Variants in NOX4 observed in about 807,000 individuals in gnomAD.
NOX4 encodes kidney oxidase-1.
In NOX4, 69 loss-of-function variants were observed where a neutral mutation model predicts 87.6. That is an observed-to-expected ratio of 0.79 (90% CI 0.65 to 0.96). NOX4 has a LOEUF of 0.96. Ranked by LOEUF, NOX4 falls within the 40% of genes least tolerant of loss-of-function variation. NOX4 has a pLI of 0.00. For missense variants in NOX4, 680 were observed against 681.5 expected (o/e 1.00, Z 0.02); for synonymous variants, 275 against 238.2 (o/e 1.15, Z -1.42).
intron 11 of NOX4, among the ~76,000 whole-genome samples, chr11:89,380,111 T>A (rs1394415407): frequency 6.6e-6 from 1 of 152,184 alleles, no homozygotes; most frequent in East Asian, 1.9e-4. Context: ...ATGAAGCATA[T>A]GGATGTATCA....
intron 11 of NOX4, among the ~76,000 whole-genome samples, chr11:89,395,085 C>A (rs907234031): frequency 2.0e-5 from 3 of 152,086 alleles, no homozygotes; most frequent in Non-Finnish European, 4.4e-5. Context: ...CACACTGTCT[C>A]CCACAATGGT....
the NOX4 span, among the ~76,000 whole-genome samples, chr11:89,515,151 T>G: frequency 6.6e-6 from 1 of 152,016 alleles, no homozygotes; most frequent in African/African-American, 2.4e-5. Context: ...GCTAAGCCAT[T>G]TGGTTCATAA....
chr11:89,478,548 G>C (rs180709533), intron 2 of NOX4, among the ~76,000 whole-genome samples: 106 of 152,266 alleles, frequency 7.0e-4, no homozygotes, highest in Admixed American at 2.7e-3. Flanking sequence ...CTCAGGAAAA[G>C]GTGATAGCAG....
chr11:89,424,441 T>C (rs1943264179), intron 7 of NOX4, among the ~76,000 whole-genome samples: 1 of 150,378 alleles, frequency 6.6e-6, no homozygotes. Context: ...TGTTGCACTT[T>C]TTCTAATAAT....
intron 13 of NOX4, 110 bp from the exon 14 acceptor site, chr11:89,342,303 A>T (rs1334784605): frequency 1.1e-6 from 1 of 924,020 alleles, no homozygotes; most frequent in Non-Finnish European, 1.6e-6. Context: ...GTGATGGGTC[A>T]GGCCTTATTT....
upstream of NOX4, among the ~76,000 whole-genome samples, chr11:89,500,134 C>T (rs192429690): frequency 7.2e-5 from 11 of 152,200 alleles, no homozygotes; most frequent in Non-Finnish European, 1.6e-4. Context: ...TGTGTAAGAT[C>T]AAATGTTTAA....
intron 11 of NOX4, among the ~76,000 whole-genome samples, chr11:89,389,514 T>C (rs1462225755): frequency 6.6e-6 from 1 of 152,166 alleles, no homozygotes; most frequent in African/African-American, 2.4e-5. Context: ...TATTAGACTT[T>C]TTAAAAACAG....
the NOX4 span, among the ~76,000 whole-genome samples, chr11:89,572,524 T>G: frequency 2.0e-5 from 3 of 150,662 alleles, no homozygotes; most frequent in Admixed American, 6.6e-5. Flanking sequence ...GAATTATATG[T>G]TTTTTTGTTT....
At chr11:89,347,868 C>A (rs182115236) in intron 13 of NOX4, among the ~76,000 whole-genome samples, 1 of 152,238 alleles carries the variant, frequency 6.6e-6, no homozygotes, top group East Asian at 1.9e-4. Flanking sequence ...AGCTCATGTA[C>A]CTCTCTAGTT....
At chr11:89,342,851 A>C (rs1946064322) in intron 13 of NOX4, among the ~76,000 whole-genome samples, 1 of 152,200 alleles carries the variant, frequency 6.6e-6, no homozygotes. Flanking sequence ...GAGAGCATAG[A>C]GAAATCCTTC....
At chr11:89,496,041 A>T (rs975481641), upstream of NOX4, among the ~76,000 whole-genome samples, 3 of 152,210 alleles carry the variant, frequency 2.0e-5, no homozygotes, top group African/African-American at 7.2e-5. Context: ...AGGAAACTCC[A>T]TCATGTCCCT....
At chr11:89,500,911 G>C (rs1248792996), upstream of NOX4, among the ~76,000 whole-genome samples, 5 of 151,960 alleles carry the variant, frequency 3.3e-5, no homozygotes, top group Non-Finnish European at 7.4e-5. Flanking sequence ...CCTGCAAGTG[G>C]GGCATTGTCA....
chr11:89,481,913 G>A (rs993362683), intron 2 of NOX4, among the ~76,000 whole-genome samples: 1 of 151,980 alleles, frequency 6.6e-6, no homozygotes, highest in African/African-American at 2.4e-5. Context: ...TACTATTATT[G>A]GCCTCAGTGG....
chr11:89,588,820 G>C, the NOX4 span, among the ~76,000 whole-genome samples: 1 of 152,136 alleles, frequency 6.6e-6, no homozygotes, highest in Admixed American at 6.5e-5. Flanking sequence ...TAAATACAGT[G>C]CTGTGGCTCC....
At chr11:89,376,556 A>G (rs947384022) in intron 11 of NOX4, among the ~76,000 whole-genome samples, 4 of 152,196 alleles carry the variant, frequency 2.6e-5, no homozygotes, top group African/African-American at 9.6e-5. Flanking sequence ...AAGTTACAGT[A>G]TAATATGTGT....
At chr11:89,431,885 T>C (rs573509788) in intron 7 of NOX4, among the ~76,000 whole-genome samples, 1 of 152,256 alleles carries the variant, frequency 6.6e-6, no homozygotes, top group East Asian at 1.9e-4. Context: ...CATGCTGCTA[T>C]AAAGACACAG....
At chr11:89,427,225 T>A (rs1265302640) in intron 7 of NOX4, among the ~76,000 whole-genome samples, 3 of 152,024 alleles carry the variant, frequency 2.0e-5, no homozygotes, top group Non-Finnish European at 4.4e-5. Context: ...CATTCGCATG[T>A]CACCATCATC....
Position 89,421,940 on chromosome 11 carries a change from G to T in NOX4, c.591C>A (p.Phe197Leu). ...ACGTCAGCAGCATGTAGAAGACAAA[G>T]AAGAGGTTATGAGTATACCAGAAGA... ...YDIFWYTHNL[F>L]FVFYMLLTLH... is the part of the protein sequence containing the mutation. Residue 197 changes from phenylalanine to leucine, a missense_variant, in exon 8 of 18, where the codon TTC becomes TTA. Physicochemically the swap from Phe to Leu is conservative, Grantham distance 22. Coordinates refer to ENST00000263317, the MANE Select transcript of NOX4 (RefSeq NM_016931.5). 1 of 1,571,552 alleles carries T rather than the reference G, an allele frequency of 6.4e-7. No homozygotes were observed. The highest frequency in any genetic ancestry group is 8.6e-7 in the Non-Finnish European group (1 of 1,162,100).
At chr11:89,587,585 A>G in the NOX4 span, among the ~76,000 whole-genome samples, 1 of 152,112 alleles carries the variant, frequency 6.6e-6, no homozygotes, top group South Asian at 2.1e-4. Context: ...AGGGAGTGGA[A>G]AAGAGAAGCA....
Sources: allele counts gnomAD v4.1 joint callset (sites outside exome capture counted in the v4.1 genomes callset), GRCh38; gene constraint gnomAD v4.1.1; transcripts MANE v1.5; gene names NCBI Gene and HGNC (gene_info 2026-07-23, HGNC 2026-07-21).